The following MYH11 variants were observed in gnomAD, a reference collection of about 807,000 sequenced individuals.
MYH11 encodes the protein myosin-11.
MYH11 carries 80 observed loss-of-function variants against 246.6 expected under a neutral mutation model. That is an observed-to-expected ratio of 0.32 (90% CI 0.27 to 0.39). MYH11 has a LOEUF of 0.39. MYH11 is among the 10% of genes least tolerant of loss of function. The pLI is 1.00. For missense variants in MYH11, 2,158 were observed against 2,546.8 expected (o/e 0.85, Z 3.29); for synonymous variants, 1,071 against 1,015.5 (o/e 1.05, Z -1.04).
intron 1 of MYH11, among the ~76,000 whole-genome samples, chr16:15,846,135 G>T (rs2044184471): frequency 6.6e-6 from 1 of 151,994 alleles, no homozygotes; most frequent in Non-Finnish European, 1.5e-5. Flanking sequence ...ACCCAAACCT[G>T]GGTCTCATTC....
In MYH11 at chr16:15,823,328, C is replaced by G; in HGVS notation, c.429G>C (p.Lys143Asn). The G allele has an allele frequency of 1.2e-6, 2 of 1,614,192 alleles. No individual in the cohort carries two copies. The highest frequency in any genetic ancestry group is 1.7e-6 in the Non-Finnish European group (2 of 1,180,036). Residue 143 changes from lysine (K) to asparagine (N), a missense_variant, in exon 3 of 41, where the codon AAG becomes AAC. Lys to Asn is a moderately conservative substitution (Grantham distance 94). This residue lies in a region of MYH11 where 34 missense variants were observed against 25.6 expected (regional missense o/e 1.33). Transcript: ENST00000300036. ...GCGGCATCTCGTGCCTCTTCTTGCCCTTGTACATGTCGACGATCTTCTCCG... is the reference window on the plus strand; with the variant it reads ...GCGGCATCTCGTGCCTCTTCTTGCCGTTGTACATGTCGACGATCTTCTCCG... ...IYSEKIVDMY[K>N]GKKRHEMPPH...
intron 40 of MYH11, chr16:15,714,645 C>T (rs1238949374): frequency 3.4e-6 from 2 of 579,798 alleles, no homozygotes; most frequent in Non-Finnish European, 6.2e-6. Context: ...CCTCTTCCTC[C>T]TCCTCAGCCG....
chr16:15,842,279 G>A (rs760037458), intron 1 of MYH11, among the ~76,000 whole-genome samples: 6 of 152,004 alleles, frequency 3.9e-5, no homozygotes, highest in African/African-American at 7.2e-5. Context: ...CCAGCTACTC[G>A]GGAGGCTGAG....
chr16:15,852,334 CT>C (rs4006745), intron 1 of MYH11, among the ~76,000 whole-genome samples: 106 of 129,120 alleles, frequency 8.2e-4, no homozygotes, highest in Middle Eastern at 4.1e-3. Flanking sequence ...TTTGCAATGC[CT>C]TTTTTTTTTT....
intron 31 of MYH11, among the ~76,000 whole-genome samples, chr16:15,723,244 T>G (rs2040577099): frequency 6.6e-6 from 1 of 152,204 alleles, no homozygotes; most frequent in Non-Finnish European, 1.5e-5. Flanking sequence ...AAATAAACTC[T>G]AATTAATATG....
rs765277660 is a variant in MYH11 at position 15,737,663 on chromosome 16, G to C, written c.3122-43C>G. On this transcript the variant is annotated intron_variant, in intron 24 of 40. Transcript: ENST00000300036. ...CTCTTCAGGAAGGGGAGGCCCCAGA[G>C]AGATGCCCGGAAATGAGCCTTCCTG... 17 of 1,603,254 alleles carry C rather than the reference G, an allele frequency of 1.1e-5. No individual in the cohort carries two copies. In the South Asian group the frequency reaches 1.6e-4, roughly 16 times the overall value.
intron 2 of MYH11, among the ~76,000 whole-genome samples, chr16:15,825,386 CA>C (rs1212947132): frequency 0.1 from 6,377 of 60,970 alleles, 420 homozygotes; most frequent in African/African-American, 0.27. Context: ...CCCCTCTCTA[CA>C]AAAAAAAAAA....
At chr16:15,833,149 A>G (rs1438972001) in intron 2 of MYH11, among the ~76,000 whole-genome samples, 1 of 151,122 alleles carries the variant, frequency 6.6e-6, no homozygotes, top group East Asian at 2.0e-4. Context: ...ACACAAAAAA[A>G]TTAGCTGGGC....
chr16:15,706,188 G>T (rs754802134), intron 40 of MYH11, among the ~76,000 whole-genome samples: 6 of 152,108 alleles, frequency 3.9e-5, no homozygotes, highest in Non-Finnish European at 8.8e-5. Context: ...AACACTCCTA[G>T]CCCAGCTTCA....
chr16:15,775,888 A>G, intron 8 of MYH11, 190 bp downstream of exon 8: 2 of 645,298 alleles, frequency 3.1e-6, no homozygotes, highest in Non-Finnish European at 5.6e-6. Context: ...GTGCTCAGTA[A>G]ATGAGAATGA....
At chr16:15,820,681 G>A (rs1041032426) in intron 3 of MYH11, among the ~76,000 whole-genome samples, 1 of 152,054 alleles carries the variant, frequency 6.6e-6, no homozygotes, top group African/African-American at 2.4e-5. Flanking sequence ...AGTCAAGCAT[G>A]ACATGAAGAT....
At chr16:15,782,243 G>C (rs916423239) in intron 6 of MYH11, 142 bp downstream of exon 6, 2 of 723,678 alleles carry the variant, frequency 2.8e-6, no homozygotes, top group Non-Finnish European at 5.0e-6. Flanking sequence ...TGAGAGGCAG[G>C]AGCCCTTGCA....
chr16:15,767,889 C>G (rs1309564495), intron 9 of MYH11, among the ~76,000 whole-genome samples: 1 of 151,506 alleles, frequency 6.6e-6, no homozygotes, highest in Non-Finnish European at 1.5e-5. Context: ...CTCAGTGCCT[C>G]CAGGAGGAAC....
intron 4 of MYH11, among the ~76,000 whole-genome samples, chr16:15,797,538 AAT>A (rs57880491): frequency 0.085 from 12,470 of 147,260 alleles, 1,659 homozygotes; most frequent in African/African-American, 0.29. Flanking sequence ...CAGACCTTCA[AAT>A]ATATATATAT....
At chr16:15,760,917 AG>A (rs2041853698) in intron 10 of MYH11, among the ~76,000 whole-genome samples, 1 of 152,080 alleles carries the variant, frequency 6.6e-6, no homozygotes, top group Non-Finnish European at 1.5e-5. Context: ...AGGTAGTTCT[AG>A]TTTCAAGTCC....
At chr16:15,717,052 A>G in intron 38 of MYH11, 88 bp downstream of exon 38, 1 of 1,387,566 alleles carries the variant, frequency 7.2e-7, no homozygotes. Flanking sequence ...GCCAGAACTG[A>G]TGCTGGAAGA....
chr16:15,844,517 A>C (rs1015298418), intron 1 of MYH11, among the ~76,000 whole-genome samples: 1 of 152,120 alleles, frequency 6.6e-6, no homozygotes, highest in Non-Finnish European at 1.5e-5. Context: ...TTTCTTTAAC[A>C]AATAAAATAC....
intron 25 of MYH11, 63 bp from the exon 26 acceptor site, chr16:15,735,641 G>T: frequency 1.9e-6 from 3 of 1,559,562 alleles, no homozygotes; most frequent in Non-Finnish European, 2.7e-6. Flanking sequence ...CTTACAATGT[G>T]GCCAAAAACT....
chr16:15,788,662 G>A (rs914880669), intron 4 of MYH11, among the ~76,000 whole-genome samples: 1 of 152,182 alleles, frequency 6.6e-6, no homozygotes, highest in Admixed American at 6.5e-5. Flanking sequence ...GTGACTTTGT[G>A]TGGTCCCTTC....
Sources: gnomAD v4.1 joint callset for allele counts (sites outside exome capture counted in the v4.1 genomes callset) on GRCh38, gnomAD v4.1.1 for gene constraint, gnomAD v4.1.1 regional missense constraint, MANE v1.5 for transcripts, NCBI Gene and HGNC (gene_info 2026-07-23, HGNC 2026-07-21) for gene names.